Variants in CRBN observed in about 807,000 individuals in gnomAD.
CRBN encodes the protein cereblon.
CRBN carries 53 observed loss-of-function variants against 62.2 expected under a neutral mutation model. The ratio of observed to expected loss-of-function variants is 0.85; its 90% CI spans 0.68 to 1.07. The LOEUF (loss-of-function observed/expected upper bound fraction) is 1.07. Among genes scored for constraint, CRBN ranks in the 50% least tolerant of loss-of-function variants. The probability of loss-of-function intolerance (pLI) is 0.00; values close to 1 mark genes in which losing one functional copy is unlikely to be tolerated. For missense variants in CRBN, 616 were observed against 531.1 expected, an observed-to-expected ratio of 1.16 and a Z score of -1.57; for synonymous variants, 208 against 176.1, an observed-to-expected ratio of 1.18 and a Z score of -1.43.
rs1575081732 is a variant in CRBN at position 3,154,186 on chromosome 3, A to G, written c.836-111T>C. The G allele has an allele frequency of 1.9e-5, 14 of 719,816 alleles. No homozygotes were observed. In the East Asian group the frequency reaches 3.7e-4, roughly 19 times the overall value. The allele number at this position is 719,816 out of a possible 1,614,324, so 44.6% of individuals were successfully genotyped here. ...TAAACCCTTCTCTTTAAGGTTACAC[A>G]TTTTATACAAGTATAAACAATACAA... On this transcript the variant is annotated intron_variant, in intron 7 of 10. Coordinates refer to ENST00000231948, the MANE Select transcript of CRBN (RefSeq NM_016302.4).
At chr3:3,166,270 A>C (rs969684571) in intron 5 of CRBN, among the ~76,000 whole-genome samples, 1 of 152,128 alleles carries the variant, frequency 6.6e-6, no homozygotes, top group Non-Finnish European at 1.5e-5. Context: ...GATGGTTTTA[A>C]AAATGGGAGT....
chr3:3,161,358 G>T (rs1431887694), intron 5 of CRBN, among the ~76,000 whole-genome samples: 1 of 152,202 alleles, frequency 6.6e-6, no homozygotes, highest in Non-Finnish European at 1.5e-5. Context: ...AACCTTCAAT[G>T]TAATATATTT....
intron 10 of CRBN, among the ~76,000 whole-genome samples, 194 bp from the exon 11 acceptor site, chr3:3,151,239 A>ACTT (rs1706524173): frequency 6.6e-6 from 1 of 152,186 alleles, no homozygotes; most frequent in Non-Finnish European, 1.5e-5. Flanking sequence ...AATATGTATG[A>ACTT]CTTTTATGCT....
At chr3:3,178,914 A>G (rs921553682) in intron 1 of CRBN, among the ~76,000 whole-genome samples, 1 of 151,958 alleles carries the variant, frequency 6.6e-6, no homozygotes. Context: ...GTATTTCAAC[A>G]CAAGGCCAAA....
chr3:3,153,306 C>T, intron 9 of CRBN, 118 bp downstream of exon 9: 2 of 672,294 alleles, frequency 3.0e-6, no homozygotes. Context: ...CCCTATATTT[C>T]ATTTGCTAAA....
chr3:3,175,525 C>T (rs561183996), intron 1 of CRBN, among the ~76,000 whole-genome samples: 4 of 152,166 alleles, frequency 2.6e-5, no homozygotes, highest in Admixed American at 6.5e-5. Flanking sequence ...AGAATGCTCC[C>T]GTGTGTCACA....
In CRBN at chr3:3,172,764, G is replaced by C; in HGVS notation, c.527+12C>G. The C allele has an allele frequency of 6.2e-7, 1 of 1,611,158 alleles. No homozygotes were observed. Among genetic ancestry groups the C allele is most frequent in the Non-Finnish European group, 8.5e-7 (1 of 1,177,342 alleles). On this transcript the variant is annotated intron_variant, in intron 4 of 10. Coordinates refer to ENST00000231948, the MANE Select transcript of CRBN (RefSeq NM_016302.4). ...ACATTCAAAGAGCATTAAGGTATATGTTATTTCTTACCCATCTGACTGTGT... is the reference window on the plus strand; with the variant it reads ...ACATTCAAAGAGCATTAAGGTATATCTTATTTCTTACCCATCTGACTGTGT...
intron 9 of CRBN, chr3:3,153,177 GAA>G (rs1706703391): frequency 4.5e-6 from 2 of 445,604 alleles, no homozygotes; most frequent in Non-Finnish European, 8.2e-6. Context: ...GAATTAGGGG[GAA>G]AAGAATTTCT....
chr3:3,162,638 C>T (rs1283787507), intron 5 of CRBN, among the ~76,000 whole-genome samples: 2 of 152,154 alleles, frequency 1.3e-5, no homozygotes, highest in African/African-American at 4.8e-5. Context: ...ACGGCAAATG[C>T]TGTGTGCAGT....
intron 5 of CRBN, among the ~76,000 whole-genome samples, chr3:3,165,821 T>G (rs531116025): frequency 6.6e-6 from 1 of 152,308 alleles, no homozygotes; most frequent in African/African-American, 2.4e-5. Flanking sequence ...TACGTGAATA[T>G]TCAGATGACA....
intron 5 of CRBN, chr3:3,156,853 CAGG>C (rs1406311819): frequency 1.3e-5 from 2 of 152,764 alleles, no homozygotes; most frequent in Non-Finnish European, 2.9e-5. Flanking sequence ...GAAATCCAAA[CAGG>C]AGCATGCCTA....
intron 4 of CRBN, among the ~76,000 whole-genome samples, chr3:3,170,926 C>G (rs1361341882): frequency 6.6e-6 from 1 of 152,164 alleles, no homozygotes; most frequent in Non-Finnish European, 1.5e-5. Flanking sequence ...CTGCCTCAGC[C>G]TCCCTAGTAG....
In CRBN at chr3:3,172,750, G is replaced by A. The variant is rs747741863; in HGVS notation, c.527+26C>T. 6.2e-6 allele frequency: 10 copies of A among 1,602,778 alleles called. No homozygotes were observed. In the South Asian group the frequency reaches 1.1e-4, roughly 18 times the overall value. ...TATTTCATTAGGAAACATTCAAAGA[G>A]CATTAAGGTATATGTTATTTCTTAC... On this transcript the variant is annotated intron_variant, in intron 4 of 10. Coordinates refer to ENST00000231948, the MANE Select transcript of CRBN (RefSeq NM_016302.4).
At chr3:3,168,313 T>C (rs1328526267) in intron 4 of CRBN, among the ~76,000 whole-genome samples, 1 of 152,216 alleles carries the variant, frequency 6.6e-6, no homozygotes, top group African/African-American at 2.4e-5. Flanking sequence ...ACATGCAACC[T>C]TTCTGTGTGC....
At chr3:3,169,247 C>A (rs915581312) in intron 4 of CRBN, among the ~76,000 whole-genome samples, 1 of 152,218 alleles carries the variant, frequency 6.6e-6, no homozygotes, top group African/African-American at 2.4e-5. Context: ...CCAGGGTCCA[C>A]TGCATATGCA....
At chr3:3,153,931 G>C (rs529742781) in intron 8 of CRBN, 29 bp downstream of exon 8, 1 of 1,345,622 alleles carries the variant, frequency 7.4e-7, no homozygotes, top group Non-Finnish European at 1.1e-6. Context: ...ATAAAACATG[G>C]GCATCAAAAA....
chr3:3,163,996 T>C (rs1181189569), intron 5 of CRBN, among the ~76,000 whole-genome samples: 1 of 152,210 alleles, frequency 6.6e-6, no homozygotes, highest in Non-Finnish European at 1.5e-5. Context: ...TTAGTGAACT[T>C]TGATGTTATT....
At chr3:3,156,079 CA>C in intron 6 of CRBN, 139 bp downstream of exon 6, 1 of 746,892 alleles carries the variant, frequency 1.3e-6, no homozygotes, top group South Asian at 1.6e-5. Flanking sequence ...GCTGGGATTA[CA>C]GGTGTGAGCC....
At chr3:3,157,290 C>A (rs1706935484) in intron 5 of CRBN, among the ~76,000 whole-genome samples, 1 of 152,092 alleles carries the variant, frequency 6.6e-6, no homozygotes, top group Non-Finnish European at 1.5e-5. Context: ...GATCAAAGAA[C>A]AAGGTATAGC....
Sources: gnomAD v4.1 joint callset for allele counts (sites outside exome capture counted in the v4.1 genomes callset) on GRCh38, gnomAD v4.1.1 for gene constraint, MANE v1.5 for transcripts, NCBI Gene and HGNC (gene_info 2026-07-23, HGNC 2026-07-21) for gene names.